DNAJC5B: variants seen among roughly 807,000 people sequenced by gnomAD.
DNAJC5B encodes the protein dnaJ homolog subfamily C member 5B.
In DNAJC5B, 23 loss-of-function variants were observed where a neutral mutation model predicts 24.7. The observed-to-expected ratio is 0.93, with a 90% CI of 0.67 to 1.32. DNAJC5B has a LOEUF of 1.32. DNAJC5B is among the 40% of genes most tolerant of loss of function. The pLI, the probability that DNAJC5B is intolerant of heterozygous loss-of-function variation, is 0.00. For missense variants in DNAJC5B, 238 were observed against 240.8 expected, an observed-to-expected ratio of 0.99 and a Z score of 0.08; for synonymous variants, 101 against 90.1, an observed-to-expected ratio of 1.12 and a Z score of -0.68.
At chr8:66,053,359 T>C (rs1460651289) in intron 3 of DNAJC5B, among the ~76,000 whole-genome samples, 1 of 152,154 alleles carries the variant, frequency 6.6e-6, no homozygotes, top group Non-Finnish European at 1.5e-5. Context: ...GTGGAATAAT[T>C]TGTGCTTGTA....
At chr8:66,031,479 TAGTC>T (rs1175649195) in intron 1 of DNAJC5B, among the ~76,000 whole-genome samples, 2 of 152,170 alleles carry the variant, frequency 1.3e-5, no homozygotes, top group South Asian at 4.1e-4. Flanking sequence ...CCTACTGTAT[TAGTC>T]AGGGTTCTTC....
intron 3 of DNAJC5B, among the ~76,000 whole-genome samples, chr8:66,052,490 C>T (rs1484999583): frequency 6.6e-6 from 1 of 151,954 alleles, no homozygotes; most frequent in Middle Eastern, 3.2e-3. Flanking sequence ...TTACTACAAC[C>T]CAAACATATG....
chr8:66,060,741 G>A (rs79590819), intron 3 of DNAJC5B, among the ~76,000 whole-genome samples: 368 of 152,284 alleles, frequency 2.4e-3, no homozygotes, highest in African/African-American at 7.9e-3. Flanking sequence ...ATCAGAGCAC[G>A]TAGCAACCAC....
chr8:66,042,114 A>G, intron 1 of DNAJC5B, among the ~76,000 whole-genome samples: 1 of 152,074 alleles, frequency 6.6e-6, no homozygotes, highest in East Asian at 1.9e-4. Context: ...TTGAGTGACC[A>G]TTTGATTGCT....
At chr8:66,092,922 A>G (rs533695198) in intron 5 of DNAJC5B, among the ~76,000 whole-genome samples, 1 of 151,760 alleles carries the variant, frequency 6.6e-6, no homozygotes. Context: ...TCACCCAGGT[A>G]GTGAGCATAG....
At chr8:66,062,889 G>T (rs1478916585) in intron 3 of DNAJC5B, among the ~76,000 whole-genome samples, 1 of 151,576 alleles carries the variant, frequency 6.6e-6, no homozygotes, top group Non-Finnish European at 1.5e-5. Context: ...ATGTGCCTGT[G>T]GTCCTGGCTA....
At chr8:66,017,079 C>T (rs1805974074), upstream of DNAJC5B, among the ~76,000 whole-genome samples, 2 of 151,940 alleles carry the variant, frequency 1.3e-5, no homozygotes, top group African/African-American at 4.8e-5. Context: ...ATAGAAAGGG[C>T]AGGCATTGGT....
rs187072706 is a variant in DNAJC5B, at chr8:66,076,278, T to A, written c.120-382T>A. On this transcript the variant is annotated intron_variant, in intron 3 of 5. Transcript: ENST00000276570. Reference sequence around the variant, plus strand: ...TGTTAATTCTGGAAAATTCTTCTGGTTCTAAATGGAAGTTTGGTGTAAACT... The same window carrying A: ...TGTTAATTCTGGAAAATTCTTCTGGATCTAAATGGAAGTTTGGTGTAAACT... Among the ~76,000 whole-genome samples, 745 of 152,300 alleles carry A rather than the reference T, an allele frequency of 4.9e-3. 4 individuals are homozygous for A. Among genetic ancestry groups the A allele is most frequent in the African/African-American group, 0.017 (722 of 41,562 alleles).
intron 5 of DNAJC5B, among the ~76,000 whole-genome samples, chr8:66,098,659 T>G (rs904560331): frequency 7.2e-5 from 11 of 152,106 alleles, no homozygotes; most frequent in Non-Finnish European, 1.0e-4. Context: ...ATCATGTCCT[T>G]TGACCTCTTT....
intron 1 of DNAJC5B, among the ~76,000 whole-genome samples, chr8:66,022,437 T>G (rs1299636339): frequency 6.6e-6 from 1 of 152,142 alleles, no homozygotes; most frequent in East Asian, 1.9e-4. Flanking sequence ...CTTAGCACAC[T>G]GCGACCCCGG....
intron 5 of DNAJC5B, among the ~76,000 whole-genome samples, chr8:66,080,964 A>C (rs1032332625): frequency 6.6e-6 from 1 of 152,156 alleles, no homozygotes; most frequent in Non-Finnish European, 1.5e-5. Flanking sequence ...GTGGGCATCA[A>C]AAAAAGTCAC....
intron 3 of DNAJC5B, among the ~76,000 whole-genome samples, chr8:66,070,859 G>C (rs1357970487): frequency 3.3e-5 from 5 of 152,088 alleles, no homozygotes; most frequent in Non-Finnish European, 5.9e-5. Context: ...CAGATATATA[G>C]ACCAATGGAA....
chr8:66,071,391 G>A (rs1807345222), intron 3 of DNAJC5B, among the ~76,000 whole-genome samples: 1 of 152,072 alleles, frequency 6.6e-6, no homozygotes, highest in Non-Finnish European at 1.5e-5. Context: ...GTGGGCAAAG[G>A]TTATGAACAG....
intron 3 of DNAJC5B, among the ~76,000 whole-genome samples, chr8:66,074,229 TC>T (rs1733196498): frequency 6.6e-6 from 1 of 152,182 alleles, no homozygotes; most frequent in Non-Finnish European, 1.5e-5. Flanking sequence ...ATGGTTAGAA[TC>T]AGGCCTCAGG....
At chr8:66,093,655 A>G (rs957278379) in intron 5 of DNAJC5B, among the ~76,000 whole-genome samples, 4 of 152,126 alleles carry the variant, frequency 2.6e-5, no homozygotes, top group African/African-American at 9.7e-5. Flanking sequence ...TTTAAAACAT[A>G]TTCTCCCAGT....
chr8:66,083,828 A>G (rs114888797), intron 5 of DNAJC5B, among the ~76,000 whole-genome samples: 349 of 152,314 alleles, frequency 2.3e-3, no homozygotes, highest in African/African-American at 7.3e-3. Flanking sequence ...CAAATCCCCA[A>G]AATGTCTACA....
chr8:66,030,936 C>T (rs551683473), intron 1 of DNAJC5B, among the ~76,000 whole-genome samples: 1 of 152,336 alleles, frequency 6.6e-6, no homozygotes, highest in South Asian at 2.1e-4. Flanking sequence ...TCCTTATTCA[C>T]ATCTTGAGGC....
At chr8:66,080,696 T>C (rs1807577179) in intron 5 of DNAJC5B, 148 bp downstream of exon 5, 1 of 671,512 alleles carries the variant, frequency 1.5e-6, no homozygotes, top group East Asian at 2.8e-5. Flanking sequence ...TGGTACAGCT[T>C]CTGGGGAGAA....
chr8:66,094,263 CA>C (rs1807905376), intron 5 of DNAJC5B, among the ~76,000 whole-genome samples: 1 of 152,034 alleles, frequency 6.6e-6, no homozygotes, highest in Non-Finnish European at 1.5e-5. Flanking sequence ...ATCTACAGAT[CA>C]ACAGGTAGAA....
Sources: allele counts gnomAD v4.1 joint callset (sites outside exome capture counted in the v4.1 genomes callset), GRCh38; gene constraint gnomAD v4.1.1; transcripts MANE v1.5; gene names NCBI Gene and HGNC (gene_info 2026-07-23, HGNC 2026-07-21).